CRIPT: variants seen among roughly 807,000 people sequenced by gnomAD.
CRIPT encodes the protein CXXC repeat containing interactor of PDZ3 domain, also known as cysteine-rich PDZ-binding protein.
Under a neutral mutation model 16.6 loss-of-function variants are expected in CRIPT, and 20 were observed. The ratio of observed to expected loss-of-function variants is 1.20; its 90% confidence interval spans 0.85 to 1.75. The LOEUF (loss-of-function observed/expected upper bound fraction) is 1.75. Ranked by LOEUF, CRIPT falls within the 40% of genes most tolerant of loss-of-function variation. The probability of loss-of-function intolerance (pLI) is 0.00; values close to 1 mark genes in which losing one functional copy is unlikely to be tolerated. For missense variants in CRIPT, 133 were observed against 115.3 expected, an observed-to-expected ratio of 1.15 and a Z score of -0.70; for synonymous variants, 42 against 37.0, an observed-to-expected ratio of 1.14 and a Z score of -0.49.
chr2:46,621,389 C>A (rs76323369), intron 3 of CRIPT, among the ~76,000 whole-genome samples: 2,240 of 152,312 alleles, frequency 0.015, 56 homozygotes, highest in African/African-American at 0.052. Flanking sequence ...TCCGTTAGAG[C>A]TTACGTATCT....
At chr2:46,624,059 T>G in intron 4 of CRIPT, 104 bp from the exon 5 acceptor site, 1 of 591,560 alleles carries the variant, frequency 1.7e-6, no homozygotes. Context: ...TTTCTTTTCT[T>G]TTCTTTCCTG....
chr2:46,618,927 T>C (rs570169344), intron 2 of CRIPT, 89 bp downstream of exon 2: 2 of 819,476 alleles, frequency 2.4e-6, no homozygotes, highest in Non-Finnish European at 4.0e-6. Flanking sequence ...AATGAAATGT[T>C]ATGTGTTCAA....
intron 3 of CRIPT, 66 bp from the exon 4 acceptor site, chr2:46,623,698 A>G (rs977305875): frequency 1.2e-6 from 1 of 833,160 alleles, no homozygotes; most frequent in Non-Finnish European, 2.0e-6. Flanking sequence ...GTGTTGCGTA[A>G]GTGGGGTTAT....
chr2:46,622,029 T>C (rs928489226), intron 3 of CRIPT, among the ~76,000 whole-genome samples: 1 of 152,232 alleles, frequency 6.6e-6, no homozygotes, highest in African/African-American at 2.4e-5. Context: ...TACTGTTATT[T>C]ATAAGATGCA....
rs976781606 is a variant in CRIPT, at chr2:46,625,168, C to T, written c.*941C>T. ...CTCTCTGCAGCCTCCATCTGCTGGG[C>T]TCAAGCAATTCTTCCCCCTCAGCCT... is the stretch of plus-strand genomic sequence containing the variant. On this transcript the variant is annotated 3_prime_UTR_variant, in exon 5 of 5. Transcript: ENST00000238892. 2.0e-5 allele frequency: 3 copies of T among 148,396 alleles called. No individual in the cohort carries two copies. The highest frequency in any genetic ancestry group is 4.4e-5 in the Non-Finnish European group (3 of 67,660). 9.2% of individuals were successfully genotyped at this position (148,396 alleles called of 1,614,324 possible).
chr2:46,619,601 C>A (rs760534988), intron 2 of CRIPT, 26 bp from the exon 3 acceptor site: 22 of 1,547,712 alleles, frequency 1.4e-5, no homozygotes, highest in Admixed American at 1.8e-5. Flanking sequence ...AAATAACCCA[C>A]TAAAATATCT....
In CRIPT at chr2:46,628,568, C is replaced by G. The variant is rs1289209335; in HGVS notation, c.*4341C>G. On this transcript the variant is annotated 3_prime_UTR_variant, in exon 5 of 5. Coordinates refer to ENST00000238892, the MANE Select transcript of CRIPT (RefSeq NM_014171.6). Reference sequence around the variant, plus strand: ...CATTTGTTTGTGTCATCTCTGATTTCTTTCAGCGTGTTTTGTAGTTCTTGT... The same window carrying G: ...CATTTGTTTGTGTCATCTCTGATTTGTTTCAGCGTGTTTTGTAGTTCTTGT... Among the ~76,000 whole-genome samples the G allele has an allele frequency of 1.3e-5, 2 of 152,194 alleles. No homozygotes were observed. The highest frequency in any genetic ancestry group is 2.4e-5 in the African/African-American group (1 of 41,452).
Position 46,629,147 on chromosome 2 carries a change from G to C in CRIPT, c.*4920G>C, listed in dbSNP as rs1267962554. ...ATGTGGAAAACACAGGAAGCTAATA[G>C]TACTGTTTTTCTCTGGAGTGGGTGT... On this transcript the variant is annotated 3_prime_UTR_variant, in exon 5 of 5. Transcript: ENST00000238892. 6.6e-6 allele frequency among the ~76,000 whole-genome samples: 1 copy of C among 152,214 alleles called. No individual in the cohort carries two copies. The highest frequency in any genetic ancestry group is 1.5e-5 in the Non-Finnish European group (1 of 68,036).
chr2:46,617,433 C>T (rs757356372), intron 1 of CRIPT, 135 bp downstream of exon 1: 12 of 1,016,828 alleles, frequency 1.2e-5, no homozygotes, highest in South Asian at 1.6e-5. Flanking sequence ...TCTACCCTAC[C>T]CTTTGACCAT....
chr2:46,621,902 A>G (rs1354711298), intron 3 of CRIPT, among the ~76,000 whole-genome samples: 1 of 152,214 alleles, frequency 6.6e-6, no homozygotes, highest in East Asian at 1.9e-4. Flanking sequence ...ATGCTTTTAT[A>G]TACTTCCAGT....
rs1671029186 is a variant in CRIPT, at chr2:46,629,876, C to T, written c.*5649C>T. ...TCAAATCTACCCCTCCTAGGTTTAG[C>T]ATCCTTTGACGATTCTTGTCTGAAT... is the stretch of plus-strand genomic sequence containing the variant. On this transcript the variant is annotated 3_prime_UTR_variant, in exon 5 of 5. Transcript: ENST00000238892. 1.3e-5 allele frequency among the ~76,000 whole-genome samples: 2 copies of T among 152,192 alleles called. No individual in the cohort carries two copies. Among genetic ancestry groups the T allele is most frequent in the South Asian group, 4.1e-4 (2 of 4,832 alleles).
chr2:46,623,908 C>G (rs1214840877), intron 4 of CRIPT, 41 bp downstream of exon 4: 1 of 1,348,092 alleles, frequency 7.4e-7, no homozygotes, highest in East Asian at 2.4e-5. Flanking sequence ...ATAAAACCGA[C>G]TTCATTTGCT....
rs377630390 is a variant in CRIPT at position 46,617,248 on chromosome 2, T to A, written c.-35T>A. On this transcript the variant is annotated 5_prime_UTR_variant, in exon 1 of 5. Transcript: ENST00000238892. ...GTTGTTTTCAGCCTGCTGCTGCTGCTGCTGTTGCGGCTAGGGGAACCGTCG... is the reference window on the plus strand; with the variant it reads ...GTTGTTTTCAGCCTGCTGCTGCTGCAGCTGTTGCGGCTAGGGGAACCGTCG... 42 of 1,553,458 alleles carry A rather than the reference T, an allele frequency of 2.7e-5. No homozygotes were observed. The highest frequency in any genetic ancestry group is 3.1e-5 in the Non-Finnish European group (36 of 1,147,712).
intron 3 of CRIPT, among the ~76,000 whole-genome samples, chr2:46,620,509 C>G (rs1281976070): frequency 6.6e-6 from 1 of 151,864 alleles, no homozygotes; most frequent in Non-Finnish European, 1.5e-5. Context: ...CCCTTCACAT[C>G]AGAAGTTTTC....
rs527270157 is a variant in CRIPT, at chr2:46,629,511, G to A, written c.*5284G>A. Among the ~76,000 whole-genome samples the A allele has an allele frequency of 5.9e-5, 9 of 152,106 alleles. No individual in the cohort carries two copies. The highest frequency in any genetic ancestry group is 2.2e-4 in the African/African-American group (9 of 41,416). Reference sequence around the variant, plus strand: ...TATTGCCATAACCCTCTAATCTGGAGCAGTTCCTCAGCTTTTCTTTGTTTT... The same window carrying A: ...TATTGCCATAACCCTCTAATCTGGAACAGTTCCTCAGCTTTTCTTTGTTTT... On this transcript the variant is annotated 3_prime_UTR_variant, in exon 5 of 5. Coordinates refer to ENST00000238892, the MANE Select transcript of CRIPT (RefSeq NM_014171.6).
intron 3 of CRIPT, among the ~76,000 whole-genome samples, chr2:46,621,178 C>T (rs946629782): frequency 6.6e-6 from 1 of 152,188 alleles, no homozygotes; most frequent in Non-Finnish European, 1.5e-5. Context: ...AAATCCGCCA[C>T]TGGTTTTCTT....
chr2:46,623,949 T>G, intron 4 of CRIPT, 82 bp downstream of exon 4: 1 of 975,430 alleles, frequency 1.0e-6, no homozygotes, highest in South Asian at 1.7e-5. Flanking sequence ...AGATGTAGCC[T>G]GTCATAAATT....
In CRIPT at chr2:46,624,593, A is replaced by G. The variant is rs1479099431; in HGVS notation, c.*366A>G. On this transcript the variant is annotated 3_prime_UTR_variant, in exon 5 of 5. Coordinates refer to ENST00000238892, the MANE Select transcript of CRIPT (RefSeq NM_014171.6). ...ATACTTTGCTCTGAATTTGGCATCC[A>G]GAGTTAACATTTCTCCCCTCACTCC... The G allele has an allele frequency of 6.4e-6, 1 of 156,376 alleles. No individual in the cohort carries two copies. Among genetic ancestry groups the G allele is most frequent in the Non-Finnish European group, 1.4e-5 (1 of 70,850 alleles). 9.7% of individuals were successfully genotyped at this position (156,376 alleles called of 1,614,324 possible).
In CRIPT at chr2:46,623,748, T is replaced by TA. The variant is rs1305977061; in HGVS notation, c.138-8dup. 3.0e-5 allele frequency: 45 copies of TA among 1,492,256 alleles called. No homozygotes were observed. The highest frequency in any genetic ancestry group is 1.8e-4 in the Middle Eastern group (1 of 5,638). 92.4% of individuals were successfully genotyped at this position (1,492,256 alleles called of 1,614,324 possible). ...AGTGTAATATACAATTTTCTCTCTT[T>TA]AAAAAAAATTTCTAGATTTGATCCA... On this transcript the variant is annotated splice_polypyrimidine_tract_variant and intron_variant, in intron 3 of 4. Transcript: ENST00000238892.
Sources: allele counts gnomAD v4.1 joint callset (sites outside exome capture counted in the v4.1 genomes callset), GRCh38; gene constraint gnomAD v4.1.1; transcripts MANE v1.5; gene names NCBI Gene and HGNC (gene_info 2026-07-23, HGNC 2026-07-21).